Variants in MRPL42 observed in about 807,000 individuals in gnomAD.
The protein encoded by MRPL42 is mitochondrial ribosomal protein L42.
A neutral mutation model predicts 17.9 loss-of-function variants in MRPL42; 17 were observed. The ratio of observed to expected loss-of-function variants is 0.95; its 90% confidence interval spans 0.65 to 1.42. MRPL42 has a LOEUF of 1.42. MRPL42 is among the 40% of genes most tolerant of loss of function. The pLI is 0.00. For missense variants in MRPL42, 177 were observed against 175.2 expected (o/e 1.01, Z -0.06); for synonymous variants, 59 against 54.4 (o/e 1.08, Z -0.37).
intron 5 of MRPL42, among the ~76,000 whole-genome samples, chr12:93,489,391 T>C (rs1466906806): frequency 2.0e-5 from 3 of 152,180 alleles, no homozygotes; most frequent in Non-Finnish European, 2.9e-5. Context: ...GCCCCTTTCT[T>C]AATAATCTCT....
At position 93,510,467 on chromosome 12, in the gene MRPL42, C is replaced by T. The variant is rs1033175430; in HGVS notation, c.*9246C>T. 2 of 152,152 alleles carry T rather than the reference C, an allele frequency of 1.3e-5. No individual in the cohort carries two copies. Among genetic ancestry groups the T allele is most frequent in the African/African-American group, 4.8e-5 (2 of 41,432 alleles). 9.4% of individuals were successfully genotyped at this position (152,152 alleles called of 1,614,324 possible). ...ACTCCTTTGGGTAAATACCAAAGAG[C>T]ACAATTGTTGGATTGAATGCTAAGA... On this transcript the variant is annotated 3_prime_UTR_variant, in exon 6 of 6. Transcript: ENST00000549982.
chr12:93,477,053 T>A, intron 3 of MRPL42, 36 bp downstream of exon 3: 1 of 1,383,376 alleles, frequency 7.2e-7, no homozygotes, highest in South Asian at 1.2e-5. Context: ...AATAATAGTC[T>A]TAGCTATAGC....
rs1047152428 is a variant in MRPL42, at chr12:93,512,188, A to C, written c.*10967A>C. On this transcript the variant is annotated 3_prime_UTR_variant, in exon 6 of 6. Coordinates refer to ENST00000549982, the MANE Select transcript of MRPL42 (RefSeq NM_014050.4). ...TACATTGGGCTGGGTGCGGTGGCTC[A>C]TGCCTGTAATCCCAGCACTTTGGGA... 2 of 152,222 alleles carry C rather than the reference A, an allele frequency of 1.3e-5. No individual in the cohort carries two copies. The highest frequency in any genetic ancestry group is 4.8e-5 in the African/African-American group (2 of 41,448). The allele number at this position is 152,222 out of a possible 1,614,324, so 9.4% of individuals were successfully genotyped here.
Position 93,503,027 on chromosome 12 carries a change from G to C in MRPL42, c.*1806G>C, listed in dbSNP as rs968613773. 6.6e-6 allele frequency: 1 copy of C among 152,074 alleles called. No individual in the cohort carries two copies. Among genetic ancestry groups the C allele is most frequent in the Non-Finnish European group, 1.5e-5 (1 of 68,020 alleles). The allele number at this position is 152,074 out of a possible 1,614,324, so 9.4% of individuals were successfully genotyped here. Reference sequence around the variant, plus strand: ...ATCACCTGCCCTCTGTTCCTCCCCCGTCCCCCAGGGATAAGAACCTGTTAT... The same window carrying C: ...ATCACCTGCCCTCTGTTCCTCCCCCCTCCCCCAGGGATAAGAACCTGTTAT... On this transcript the variant is annotated 3_prime_UTR_variant, in exon 6 of 6. Transcript: ENST00000549982.
intron 5 of MRPL42, among the ~76,000 whole-genome samples, chr12:93,493,993 A>G (rs1454395039): frequency 8.9e-5 from 9 of 101,212 alleles, no homozygotes; most frequent in Non-Finnish European, 1.6e-4. Context: ...AGAGTGTTCT[A>G]TGCAGACAAA....
chr12:93,497,852 T>C (rs1259649756), intron 5 of MRPL42, among the ~76,000 whole-genome samples: 1 of 151,400 alleles, frequency 6.6e-6, no homozygotes, highest in Non-Finnish European at 1.5e-5. Context: ...CCTATCTCAC[T>C]CAGAAACACT....
intron 2 of MRPL42, 67 bp from the exon 3 acceptor site, chr12:93,476,887 C>CT: frequency 7.0e-7 from 1 of 1,432,022 alleles, no homozygotes; most frequent in Admixed American, 1.7e-5. Context: ...GTAAAACTAG[C>CT]TTTAAATTTA....
At chr12:93,470,047 T>C (rs1229324759) in intron 2 of MRPL42, among the ~76,000 whole-genome samples, 2 of 152,068 alleles carry the variant, frequency 1.3e-5, no homozygotes, top group African/African-American at 4.8e-5. Flanking sequence ...GATTACTTTT[T>C]TAGTATTTCT....
intron 5 of MRPL42, among the ~76,000 whole-genome samples, chr12:93,497,795 CTT>C (rs1374006704): frequency 6.6e-6 from 1 of 151,586 alleles, no homozygotes; most frequent in Non-Finnish European, 1.5e-5. Context: ...AATAATCTCT[CTT>C]CACTGGTTCT....
Position 93,504,529 on chromosome 12 carries a change from A to G in MRPL42, c.*3308A>G, listed in dbSNP as rs1953645993. The G allele has an allele frequency of 6.6e-6, 1 of 152,234 alleles. No homozygotes were observed. The highest frequency in any genetic ancestry group is 1.5e-5 in the Non-Finnish European group (1 of 68,046). The allele number at this position is 152,234 out of a possible 1,614,324, so 9.4% of individuals were successfully genotyped here. Reference sequence around the variant, plus strand: ...TTTAAAAAATCTTTATCAATTTAGTAGGCAAAGACTGGAAAATGTTTTAAT... The same window carrying G: ...TTTAAAAAATCTTTATCAATTTAGTGGGCAAAGACTGGAAAATGTTTTAAT... On this transcript the variant is annotated 3_prime_UTR_variant, in exon 6 of 6. Coordinates refer to ENST00000549982, the MANE Select transcript of MRPL42 (RefSeq NM_014050.4).
In MRPL42 at chr12:93,507,904, G is replaced by C. The variant is rs1392032642; in HGVS notation, c.*6683G>C. 6.6e-6 allele frequency: 1 copy of C among 152,552 alleles called. No homozygotes were observed. The highest frequency in any genetic ancestry group is 2.4e-5 in the African/African-American group (1 of 41,438). The allele number at this position is 152,552 out of a possible 1,614,324, so 9.4% of individuals were successfully genotyped here. A position where few individuals can be genotyped will look rare whatever the true frequency, so the allele number is the denominator to read the frequency against. ...AGGTTGGGGGATTTCTTGAGCCCAG[G>C]AGTTCAAGACCAGCCTGGGCAACAT... On this transcript the variant is annotated 3_prime_UTR_variant, in exon 6 of 6. Coordinates refer to ENST00000549982, the MANE Select transcript of MRPL42 (RefSeq NM_014050.4).
In MRPL42 at chr12:93,510,047, T is replaced by C. The variant is rs913674855; in HGVS notation, c.*8826T>C. The C allele has an allele frequency of 6.6e-6, 1 of 152,204 alleles. No individual in the cohort carries two copies. Among genetic ancestry groups the C allele is most frequent in the African/African-American group, 2.4e-5 (1 of 41,404 alleles). The allele number at this position is 152,204 out of a possible 1,614,324, so 9.4% of individuals were successfully genotyped here. On this transcript the variant is annotated 3_prime_UTR_variant, in exon 6 of 6. Transcript: ENST00000549982. Reference sequence around the variant, plus strand: ...GTACAATGACATGTATCCATCTTTATAGTCATGCAGAGTCTACACTGTCCT... The same window carrying C: ...GTACAATGACATGTATCCATCTTTACAGTCATGCAGAGTCTACACTGTCCT...
At position 93,504,515 on chromosome 12, in the gene MRPL42, T is replaced by G. The variant is rs997698553; in HGVS notation, c.*3294T>G. On this transcript the variant is annotated 3_prime_UTR_variant, in exon 6 of 6. Coordinates refer to ENST00000549982, the MANE Select transcript of MRPL42 (RefSeq NM_014050.4). ...AGTTCTATTAAAATTTTAAAAAATC[T>G]TTATCAATTTAGTAGGCAAAGACTG... 3 of 152,266 alleles carry G rather than the reference T, an allele frequency of 2.0e-5. No individual in the cohort carries two copies. Among genetic ancestry groups the G allele is most frequent in the Non-Finnish European group, 4.4e-5 (3 of 68,040 alleles). 9.4% of individuals were successfully genotyped at this position (152,266 alleles called of 1,614,324 possible). A position where few individuals can be genotyped will look rare whatever the true frequency, so the allele number is the denominator to read the frequency against.
rs1953669530 is a variant in MRPL42, at chr12:93,506,282, T to TG, written c.*5064dup. ...TCTCTTTTTTTTTTTTTTTTTTTTTTGGGACAGAGTCTTGCTCTTGTTGCC... is the reference window on the plus strand; with the variant it reads ...TCTCTTTTTTTTTTTTTTTTTTTTTTGGGGACAGAGTCTTGCTCTTGTTGCC... On this transcript the variant is annotated 3_prime_UTR_variant, in exon 6 of 6. Coordinates refer to ENST00000549982, the MANE Select transcript of MRPL42 (RefSeq NM_014050.4). 2.6e-5 allele frequency: 3 copies of TG among 115,068 alleles called. No individual in the cohort carries two copies. The highest frequency in any genetic ancestry group is 2.6e-4 in the South Asian group (1 of 3,784). 7.1% of individuals were successfully genotyped at this position (115,068 alleles called of 1,614,324 possible). A position where few individuals can be genotyped will look rare whatever the true frequency, so the allele number is the denominator to read the frequency against.
At chr12:93,472,992 T>C (rs2121168241) in intron 2 of MRPL42, among the ~76,000 whole-genome samples, 1 of 152,344 alleles carries the variant, frequency 6.6e-6, no homozygotes, top group Admixed American at 6.5e-5. Context: ...TACTTTCTAC[T>C]GTACTTCCTT....
chr12:93,469,214 A>G lies in MRPL42; in HGVS notation c.-72A>G, dbSNP rs1327793391. 2.4e-6 allele frequency: 3 copies of G among 1,229,716 alleles called. No homozygotes were observed. Among genetic ancestry groups the G allele is most frequent in the Non-Finnish European group, 3.5e-6 (3 of 856,504 alleles). 76.2% of individuals were successfully genotyped at this position (1,229,716 alleles called of 1,614,324 possible). A position where few individuals can be genotyped will look rare whatever the true frequency, so the allele number is the denominator to read the frequency against. The stretch of plus-strand genomic sequence containing the variant: ...CAGGAGTAGAAATTGGTATGCTTAG[A>G]AGCAGATTCTAAAAGCAGTTTCTCT... On this transcript the variant is annotated 5_prime_UTR_variant, in exon 2 of 6. Coordinates refer to ENST00000549982, the MANE Select transcript of MRPL42 (RefSeq NM_014050.4).
Position 93,481,142 on chromosome 12 carries a change from T to C in MRPL42, c.219+1670T>C, listed in dbSNP as rs185216029. ...CAGACTCTTATCCCCAAATGGCTCT[T>C]TATATCTCTGAATCTGACCCTCCTC... On this transcript the variant is annotated intron_variant, in intron 4 of 5. Coordinates refer to ENST00000549982, the MANE Select transcript of MRPL42 (RefSeq NM_014050.4). Among the ~76,000 whole-genome samples, 417 of 152,272 alleles carry C rather than the reference T, an allele frequency of 2.7e-3. 7 individuals carry two copies. Among genetic ancestry groups the C allele is most frequent in the Admixed American group, 0.022 (333 of 15,282 alleles).
At chr12:93,483,281 C>T (rs965171274) in intron 4 of MRPL42, among the ~76,000 whole-genome samples, 3 of 152,214 alleles carry the variant, frequency 2.0e-5, no homozygotes, top group African/African-American at 7.2e-5. Context: ...TTCTGTAGTA[C>T]AGTCATGCAT....
intron 1 of MRPL42, 102 bp downstream of exon 1, chr12:93,467,656 G>C (rs760926467): frequency 6.5e-6 from 1 of 152,724 alleles, no homozygotes; most frequent in Non-Finnish European, 1.5e-5. Context: ...TGTCGTTCCC[G>C]GCAGGGCGAG....
Sources: allele counts gnomAD v4.1 joint callset (sites outside exome capture counted in the v4.1 genomes callset), GRCh38; gene constraint gnomAD v4.1.1; transcripts MANE v1.5; gene names NCBI Gene and HGNC (gene_info 2026-07-23, HGNC 2026-07-21).